ARHGAP32: variants seen among roughly 807,000 people sequenced by gnomAD.
ARHGAP32 encodes Rho GTPase activating protein 32, also known as rho GTPase-activating protein 32.
Under a neutral mutation model 186.5 loss-of-function variants are expected in ARHGAP32, and 51 were observed. The observed-to-expected ratio is 0.27, with a 90% CI of 0.22 to 0.35. ARHGAP32 has a LOEUF of 0.35. Ranked by LOEUF, ARHGAP32 falls within the 10% of genes least tolerant of loss-of-function variation. ARHGAP32 has a pLI of 1.00. For synonymous variants in ARHGAP32, 950 were observed against 964.3 expected, an observed-to-expected ratio of 0.99 and a Z score of 0.27; for missense variants, 2,186 against 2,623.5, an observed-to-expected ratio of 0.83 and a Z score of 3.64.
At chr11:129,139,146 C>G (rs1460562047) in intron 2 of ARHGAP32, among the ~76,000 whole-genome samples, 2 of 151,854 alleles carry the variant, frequency 1.3e-5, no homozygotes, top group Non-Finnish European at 2.9e-5. Flanking sequence ...TTAATAAAAC[C>G]CTTTTGGCAA....
chr11:129,260,582 T>C (rs1283873913), intron 1 of ARHGAP32, among the ~76,000 whole-genome samples: 1 of 152,142 alleles, frequency 6.6e-6, no homozygotes, highest in Non-Finnish European at 1.5e-5. Context: ...AACACCTTAG[T>C]ATGATCATGT....
chr11:129,064,746 T>C (rs1940629557), intron 8 of ARHGAP32, 95 bp downstream of exon 8: 1 of 902,220 alleles, frequency 1.1e-6, no homozygotes, highest in African/African-American at 1.7e-5. Context: ...CTTTGATTCC[T>C]GAAGCTCAAT....
intron 5 of ARHGAP32, among the ~76,000 whole-genome samples, chr11:129,110,157 T>C (rs1359419348): frequency 6.6e-6 from 1 of 152,162 alleles, no homozygotes; most frequent in Non-Finnish European, 1.5e-5. Flanking sequence ...TTCTTCTACA[T>C]GTGGACATCC....
chr11:129,122,719 C>T (rs554974309), intron 5 of ARHGAP32, among the ~76,000 whole-genome samples: 1 of 152,136 alleles, frequency 6.6e-6, no homozygotes, highest in African/African-American at 2.4e-5. Context: ...AGTCATGTCT[C>T]AGGAGTTTTC....
At chr11:129,159,394 A>G (rs1943481440) in intron 2 of ARHGAP32, among the ~76,000 whole-genome samples, 1 of 152,210 alleles carries the variant, frequency 6.6e-6, no homozygotes, top group South Asian at 2.1e-4. Flanking sequence ...CCACAGAAAT[A>G]CAAACTACAA....
chr11:129,004,766 A>G (rs1372487836), intron 11 of ARHGAP32, among the ~76,000 whole-genome samples: 1 of 151,822 alleles, frequency 6.6e-6, no homozygotes, highest in African/African-American at 2.4e-5. Context: ...ATCTTTATAG[A>G]TGAAGTGTGT....
intron 9 of ARHGAP32, among the ~76,000 whole-genome samples, chr11:129,062,777 A>G (rs676257): frequency 0.12 from 18,865 of 152,214 alleles, 1,334 homozygotes; most frequent in Non-Finnish European, 0.15. Flanking sequence ...TATTACATTT[A>G]GTGAGTGCTT....
chr11:129,144,007 T>TA (rs1348264967), intron 2 of ARHGAP32, among the ~76,000 whole-genome samples: 1 of 152,182 alleles, frequency 6.6e-6, no homozygotes, highest in Non-Finnish European at 1.5e-5. Context: ...ATCAGAAAGA[T>TA]AGATTTATTA....
intron 2 of ARHGAP32, among the ~76,000 whole-genome samples, chr11:129,126,386 T>C (rs1487869186): frequency 2.6e-5 from 4 of 152,202 alleles, no homozygotes; most frequent in Non-Finnish European, 5.9e-5. Flanking sequence ...GATGCCACAG[T>C]GAAATAAGTT....
intron 7 of ARHGAP32, 137 bp from the exon 8 acceptor site, chr11:129,065,070 C>T: frequency 3.1e-6 from 2 of 645,418 alleles, no homozygotes; most frequent in Non-Finnish European, 2.7e-6. Context: ...TTCACAGAAA[C>T]TTACCAGTAG....
chr11:128,978,620 T>TAAAAAAAAAAAAAAAAAAAAAAAAA, intron 19 of ARHGAP32, 150 bp downstream of exon 19: 1 of 588,810 alleles, frequency 1.7e-6, no homozygotes. Flanking sequence ...AATTTAGGAA[T>TAAAAAAAAAAAAAAAAAAAAAAAAA]AAAGAATCGG....
At chr11:129,032,253 A>G (rs1939145508) in intron 11 of ARHGAP32, among the ~76,000 whole-genome samples, 1 of 152,184 alleles carries the variant, frequency 6.6e-6, no homozygotes, top group Non-Finnish European at 1.5e-5. Flanking sequence ...TAACTTCTAG[A>G]TGCTGCCATG....
At chr11:129,248,865 T>C (rs924872301) in intron 1 of ARHGAP32, among the ~76,000 whole-genome samples, 2 of 152,182 alleles carry the variant, frequency 1.3e-5, no homozygotes, top group African/African-American at 2.4e-5. Context: ...AGCTTTACTG[T>C]GTGCCTATTG....
At chr11:129,155,333 T>C (rs537931389) in intron 2 of ARHGAP32, among the ~76,000 whole-genome samples, 159 of 152,252 alleles carry the variant, frequency 1.0e-3, no homozygotes, top group Admixed American at 1.6e-3. Flanking sequence ...AAGAAAGAGG[T>C]GGACTTTGAG....
chr11:129,020,004 A>G (rs1368556601), intron 11 of ARHGAP32, among the ~76,000 whole-genome samples: 3 of 152,096 alleles, frequency 2.0e-5, no homozygotes, highest in African/African-American at 7.2e-5. Flanking sequence ...AAAAATGAGA[A>G]GTTTAACCAG....
In ARHGAP32 at chr11:129,159,994, GA is replaced by G. The variant is rs549249341; in HGVS notation, c.225+4324del. Among the ~76,000 whole-genome samples, 487 of 152,072 alleles carry G rather than the reference GA, an allele frequency of 3.2e-3. 3 individuals carry two copies. Among genetic ancestry groups the G allele is most frequent in the African/African-American group, 0.011 (471 of 41,496 alleles). On this transcript the variant is annotated intron_variant, in intron 2 of 22. Transcript: ENST00000682385. Reference sequence around the variant, plus strand: ...AACCAATGACATAAACAGAACTAATGACAAAAACCACAATTATCTCAATAGA... The same window carrying G: ...AACCAATGACATAAACAGAACTAATGCAAAAACCACAATTATCTCAATAGA...
At chr11:128,977,640 G>A (rs1311889148) in intron 19 of ARHGAP32, among the ~76,000 whole-genome samples, 1 of 151,920 alleles carries the variant, frequency 6.6e-6, no homozygotes, top group Non-Finnish European at 1.5e-5. Context: ...TCCTCTACAA[G>A]AGTTGACAAT....
chr11:129,241,287 G>A (rs1175354810), intron 1 of ARHGAP32, among the ~76,000 whole-genome samples: 9 of 152,074 alleles, frequency 5.9e-5, no homozygotes. Flanking sequence ...CCTTTTATTT[G>A]GAAAGGTAAG....
At chr11:129,040,890 T>C (rs746585184) in intron 11 of ARHGAP32, 38 bp downstream of exon 11, 2 of 1,451,432 alleles carry the variant, frequency 1.4e-6, no homozygotes, top group Admixed American at 1.9e-5. Context: ...TTCAAGCAGT[T>C]GATAAAATAA....
Sources: allele counts gnomAD v4.1 joint callset (sites outside exome capture counted in the v4.1 genomes callset), GRCh38; gene constraint gnomAD v4.1.1; transcripts MANE v1.5; gene names NCBI Gene and HGNC (gene_info 2026-07-23, HGNC 2026-07-21).